The following MOB3B variants were observed in gnomAD, a reference collection of about 807,000 sequenced individuals.
MOB3B encodes the protein MOB kinase activator 3B, also known as MOB kinase activator-like 2B.
A neutral mutation model predicts 18.7 loss-of-function variants in MOB3B; 7 were observed. The ratio of observed to expected loss-of-function variants is 0.37; its 90% CI spans 0.21 to 0.70. MOB3B has a LOEUF of 0.70. Ranked by LOEUF, MOB3B falls within the 30% of genes least tolerant of loss-of-function variation. The probability of loss-of-function intolerance (pLI) is 0.52; values close to 1 mark genes in which losing one functional copy is unlikely to be tolerated. For missense variants in MOB3B, 253 were observed against 281.3 expected, an observed-to-expected ratio of 0.90 and a Z score of 0.72; for synonymous variants, 111 against 99.9, an observed-to-expected ratio of 1.11 and a Z score of -0.66.
At chr9:27,364,711 G>A (rs974456383) in intron 2 of MOB3B, among the ~76,000 whole-genome samples, 6 of 152,304 alleles carry the variant, frequency 3.9e-5, no homozygotes, top group East Asian at 1.9e-4. Context: ...TTGTAGCTTA[G>A]GGTGTTGTGC....
intron 3 of MOB3B, among the ~76,000 whole-genome samples, chr9:27,355,275 G>A (rs1378752681): frequency 2.0e-5 from 3 of 152,138 alleles, no homozygotes; most frequent in East Asian, 1.9e-4. Context: ...TGGTGGGGGG[G>A]TCTCAGAGTT....
rs148775914 is a variant in MOB3B at position 27,419,661 on chromosome 9, G to A, written c.418+35472C>T. On this transcript the variant is annotated intron_variant, in intron 2 of 3. Coordinates refer to ENST00000262244, the MANE Select transcript of MOB3B (RefSeq NM_024761.5). ...CCTTATACAAAAATCAACTTAAGACGGATTAAAGACTTAAACCTAAGACCT... is the reference window on the plus strand; with the variant it reads ...CCTTATACAAAAATCAACTTAAGACAGATTAAAGACTTAAACCTAAGACCT... 7.0e-4 allele frequency among the ~76,000 whole-genome samples: 106 copies of A among 152,162 alleles called. No homozygotes were observed. In the East Asian group the frequency reaches 0.014, roughly 20 times the overall value.
At chr9:27,523,346 C>T (rs556268527) in intron 1 of MOB3B, among the ~76,000 whole-genome samples, 4 of 151,986 alleles carry the variant, frequency 2.6e-5, no homozygotes, top group Non-Finnish European at 4.4e-5. Flanking sequence ...CATACCTCCT[C>T]AGTGCACAAC....
intron 1 of MOB3B, among the ~76,000 whole-genome samples, chr9:27,481,511 G>GTTTTTTT (rs536716885): frequency 1.3e-4 from 9 of 69,646 alleles, no homozygotes; most frequent in Non-Finnish European, 2.6e-4. Flanking sequence ...TTTTTTTTTT[G>GTTTTTTT]TTTTTTTTGT....
Position 27,455,413 on chromosome 9 carries a change from C to A in MOB3B, c.138G>T (p.Ala46=), listed in dbSNP as rs373218305. The change falls in exon 2 of 4, where the codon GCG becomes GCT. Residue 46 remains alanine (A), a synonymous_variant. Coordinates refer to ENST00000262244, the MANE Select transcript of MOB3B (RefSeq NM_024761.5). ...ASLNSGVDLK[A]AVQLPSGEDQ... ...CCTCCCCACTGGGCAACTGCACAGC[C>A]GCCTTCAGGTCCACACCCGAGTTGA... 9.3e-6 allele frequency: 15 copies of A among 1,614,236 alleles called. No homozygotes were observed. The highest frequency in any genetic ancestry group is 1.3e-5 in the Non-Finnish European group (15 of 1,180,038).
chr9:27,475,132 C>G (rs1284870029), intron 1 of MOB3B, among the ~76,000 whole-genome samples: 2 of 152,234 alleles, frequency 1.3e-5, no homozygotes, highest in African/African-American at 4.8e-5. Flanking sequence ...TCCTGAGAGG[C>G]CCACATAGCA....
At position 27,359,108 on chromosome 9, in the gene MOB3B, T is replaced by G. The variant is rs1332362998; in HGVS notation, c.547A>C (p.Asn183His). Reference protein sequence around the residue: ...VIVMGAEAHVNTCYKHFYYFV... With the variant: ...VIVMGAEAHVHTCYKHFYYFV... ...TAATAGAAGTGTTTGTAGCAGGTGT[T>G]GACATGGGCCTCTGCACCCATCACA... The change falls in exon 3 of 4, where the codon AAC becomes CAC. Residue 183 changes from asparagine to histidine, a missense_variant. Asn to His is a moderately conservative substitution (Grantham distance 68). Coordinates refer to ENST00000262244, the MANE Select transcript of MOB3B (RefSeq NM_024761.5). 3 of 1,614,046 alleles carry G rather than the reference T, an allele frequency of 1.9e-6. No individual in the cohort carries two copies. In the South Asian group the frequency reaches 3.3e-5, roughly 18 times the overall value.
intron 3 of MOB3B, among the ~76,000 whole-genome samples, chr9:27,344,285 G>A (rs995166742): frequency 6.6e-6 from 1 of 152,198 alleles, no homozygotes; most frequent in Non-Finnish European, 1.5e-5. Context: ...GCTTGTGTGT[G>A]TAATGTGTCT....
In MOB3B at chr9:27,400,279, T is replaced by C. The variant is rs550787815; in HGVS notation, c.419-41043A>G. Among the ~76,000 whole-genome samples the C allele has an allele frequency of 2.6e-5, 4 of 152,344 alleles. No individual in the cohort carries two copies. The East Asian group carries it at 5.8e-4, about 22-fold the overall frequency. ...TATTGATTGTATTGTTAATTGTAGA[T>C]ACAGCTCTCCAAAACCTGGCCTCAA... On this transcript the variant is annotated intron_variant, in intron 2 of 3. Coordinates refer to ENST00000262244, the MANE Select transcript of MOB3B (RefSeq NM_024761.5).
intron 1 of MOB3B, among the ~76,000 whole-genome samples, chr9:27,475,756 T>A (rs1316161045): frequency 6.6e-6 from 1 of 152,242 alleles, no homozygotes; most frequent in Non-Finnish European, 1.5e-5. Flanking sequence ...CTCTGTCTAA[T>A]CAATTTGAAA....
At chr9:27,515,513 G>A in intron 1 of MOB3B, among the ~76,000 whole-genome samples, 1 of 152,142 alleles carries the variant, frequency 6.6e-6, no homozygotes, top group South Asian at 2.1e-4. Flanking sequence ...TAGTAACTGT[G>A]AGAATTAAAG....
At chr9:27,364,990 A>G (rs890900914) in intron 2 of MOB3B, among the ~76,000 whole-genome samples, 1 of 152,108 alleles carries the variant, frequency 6.6e-6, no homozygotes, top group South Asian at 2.1e-4. Context: ...CTTATGTCTT[A>G]TATTGCTGTA....
intron 3 of MOB3B, among the ~76,000 whole-genome samples, chr9:27,343,955 C>T (rs747169542): frequency 3.4e-5 from 5 of 148,150 alleles, no homozygotes; most frequent in Non-Finnish European, 6.1e-5. Flanking sequence ...GCCATAGGTA[C>T]CAAGATACAG....
At chr9:27,506,832 A>ATTTTTTTTT (rs71492749) in intron 1 of MOB3B, among the ~76,000 whole-genome samples, 533 of 120,358 alleles carry the variant, frequency 4.4e-3, no homozygotes, top group Middle Eastern at 5.2e-3. Context: ...ACCCCGGCTA[A>ATTTTTTTTT]TTTTTTTTTT....
At chr9:27,440,072 A>C (rs1354745062) in intron 2 of MOB3B, among the ~76,000 whole-genome samples, 2 of 152,242 alleles carry the variant, frequency 1.3e-5, no homozygotes, top group African/African-American at 2.4e-5. Flanking sequence ...TAGATATGAC[A>C]AAACCTGGTT....
chr9:27,341,170 G>A (rs1820935456), intron 3 of MOB3B, among the ~76,000 whole-genome samples: 3 of 152,238 alleles, frequency 2.0e-5, no homozygotes, highest in Admixed American at 6.5e-5. Flanking sequence ...GAAACTCCAG[G>A]TTAGGTTGCA....
chr9:27,450,551 AAAAAAC>A (rs1301511530), intron 2 of MOB3B, among the ~76,000 whole-genome samples: 2 of 152,222 alleles, frequency 1.3e-5, no homozygotes, highest in African/African-American at 4.8e-5. Flanking sequence ...GTTCTAGCCA[AAAAAAC>A]AAAAACAAAA....
chr9:27,398,378 A>G (rs1431699213), intron 2 of MOB3B, among the ~76,000 whole-genome samples: 1 of 152,172 alleles, frequency 6.6e-6, no homozygotes, highest in Non-Finnish European at 1.5e-5. Flanking sequence ...AGGGCAAGTT[A>G]TCTAATCTAG....
At chr9:27,465,779 G>T (rs1031148804) in intron 1 of MOB3B, among the ~76,000 whole-genome samples, 8 of 152,186 alleles carry the variant, frequency 5.3e-5, no homozygotes, top group Non-Finnish European at 8.8e-5. Context: ...CAAGGCCTGG[G>T]GCTTCCACCC....
Sources: allele counts gnomAD v4.1 joint callset (sites outside exome capture counted in the v4.1 genomes callset), GRCh38; gene constraint gnomAD v4.1.1; transcripts MANE v1.5; gene names NCBI Gene and HGNC (gene_info 2026-07-23, HGNC 2026-07-21).